Variants in DIAPH3 observed in about 807,000 individuals in gnomAD.
DIAPH3 encodes protein diaphanous homolog 3.
A neutral mutation model predicts 144.3 loss-of-function variants in DIAPH3; 117 were observed. That is an observed-to-expected ratio of 0.81 (90% CI 0.70 to 0.95). The LOEUF (loss-of-function observed/expected upper bound fraction) is 0.95. Among genes scored for constraint, DIAPH3 ranks in the 40% least tolerant of loss-of-function variants. DIAPH3 has a pLI of 0.00. For synonymous variants in DIAPH3, 519 were observed against 488.9 expected, an observed-to-expected ratio of 1.06 and a Z score of -0.81; for missense variants, 1,421 against 1,412.7, an observed-to-expected ratio of 1.01 and a Z score of -0.09.
At chr13:60,075,338 C>T (rs1039586961) in intron 4 of DIAPH3, among the ~76,000 whole-genome samples, 7 of 152,112 alleles carry the variant, frequency 4.6e-5, no homozygotes, top group Non-Finnish European at 8.8e-5. Flanking sequence ...ACATAGCAAA[C>T]GTTTTCTTCC....
At chr13:60,054,359 A>T (rs141835301) in intron 4 of DIAPH3, among the ~76,000 whole-genome samples, 159 of 152,160 alleles carry the variant, frequency 1.0e-3, no homozygotes, top group African/African-American at 3.6e-3. Context: ...TAAGCAAGTA[A>T]ATTACAGAAA....
At chr13:59,685,461 G>T (rs979264179) in intron 27 of DIAPH3, among the ~76,000 whole-genome samples, 8 of 152,090 alleles carry the variant, frequency 5.3e-5, no homozygotes, top group African/African-American at 1.9e-4. Flanking sequence ...AAAGAAGCAG[G>T]TATGTGGACA....
chr13:59,966,627 C>T (rs965102740), intron 17 of DIAPH3, among the ~76,000 whole-genome samples: 5 of 151,982 alleles, frequency 3.3e-5, no homozygotes, highest in Non-Finnish European at 7.4e-5. Context: ...AAGAAAAAAG[C>T]CCCACTTACT....
At chr13:60,108,079 A>G (rs2058468278) in intron 3 of DIAPH3, among the ~76,000 whole-genome samples, 1 of 152,220 alleles carries the variant, frequency 6.6e-6, no homozygotes, top group South Asian at 2.1e-4. Flanking sequence ...AGTATCCTAG[A>G]AATCTTAAGT....
At chr13:59,898,911 C>T (rs2046282749) in intron 20 of DIAPH3, among the ~76,000 whole-genome samples, 1 of 152,116 alleles carries the variant, frequency 6.6e-6, no homozygotes, top group Admixed American at 6.5e-5. Context: ...GCAGACCCAC[C>T]TTCAATCTGG....
Position 60,008,536 on chromosome 13 carries a change from A to C in DIAPH3, c.1014+8T>G, listed in dbSNP as rs755487048. The C allele has an allele frequency of 3.1e-6, 5 of 1,599,490 alleles. No homozygotes were observed. Among genetic ancestry groups the C allele is most frequent in the Non-Finnish European group, 4.3e-6 (5 of 1,167,776 alleles). ...TAAAAACAGATTTTATATACACACA[A>C]AACTTACTTGCAGTTGAACTGAATT... On this transcript the variant is annotated splice_region_variant and intron_variant, in intron 9 of 27. Coordinates refer to ENST00000400324, the MANE Select transcript of DIAPH3 (RefSeq NM_001042517.2).
chr13:59,812,876 C>T (rs1284584321), intron 24 of DIAPH3, among the ~76,000 whole-genome samples: 1 of 152,100 alleles, frequency 6.6e-6, no homozygotes, highest in Admixed American at 6.6e-5. Context: ...ATACAAGAAC[C>T]AACCAAGCAC....
chr13:59,869,836 G>A (rs1455416268), intron 21 of DIAPH3, among the ~76,000 whole-genome samples: 1 of 151,942 alleles, frequency 6.6e-6, no homozygotes, highest in East Asian at 1.9e-4. Flanking sequence ...TCTTTAAACT[G>A]GGTTGTTTAT....
chr13:60,008,282 G>A (rs1377084043), intron 9 of DIAPH3, among the ~76,000 whole-genome samples: 1 of 152,124 alleles, frequency 6.6e-6, no homozygotes, highest in Admixed American at 6.6e-5. Context: ...TGTAGTCCCA[G>A]CTACTCGGGA....
At position 59,729,090 on chromosome 13, in the gene DIAPH3, C is replaced by G. The variant is rs182802681; in HGVS notation, c.3319+45099G>C. 3.1e-3 allele frequency among the ~76,000 whole-genome samples: 477 copies of G among 152,264 alleles called. 3 individuals carry two copies. Among genetic ancestry groups the G allele is most frequent in the African/African-American group, 0.01 (420 of 41,552 alleles). On this transcript the variant is annotated intron_variant, in intron 27 of 27. Coordinates refer to ENST00000400324, the MANE Select transcript of DIAPH3 (RefSeq NM_001042517.2). ...ACACTGGAACTGCCTGTGACCAAGA[C>G]ATTCATGTGGCAAAGAAGAGAGGCA...
At chr13:59,677,636 T>A (rs9538496) in intron 27 of DIAPH3, among the ~76,000 whole-genome samples, 28,424 of 152,118 alleles carry the variant, frequency 0.19, 3,249 homozygotes, top group Non-Finnish European at 0.26. Context: ...CTGGCTATTG[T>A]CTACTGTACT....
At chr13:60,084,935 T>C (rs1028331641) in intron 4 of DIAPH3, among the ~76,000 whole-genome samples, 11 of 152,050 alleles carry the variant, frequency 7.2e-5, no homozygotes, top group Non-Finnish European at 4.4e-5. Flanking sequence ...ATCAAGGTGA[T>C]TGATTAGCCT....
intron 20 of DIAPH3, among the ~76,000 whole-genome samples, chr13:59,882,370 A>T (rs1323753759): frequency 6.6e-6 from 1 of 152,172 alleles, no homozygotes; most frequent in African/African-American, 2.4e-5. Context: ...GATTACAAGC[A>T]TGAGCCACTG....
chr13:60,083,950 T>C (rs1336105631), intron 4 of DIAPH3, among the ~76,000 whole-genome samples: 1 of 130,066 alleles, frequency 7.7e-6, no homozygotes, highest in Non-Finnish European at 1.8e-5. Flanking sequence ...GATGGATGGA[T>C]GGATGGATGA....
intron 17 of DIAPH3, among the ~76,000 whole-genome samples, chr13:59,944,800 G>T (rs1437883927): frequency 6.7e-6 from 1 of 149,814 alleles, no homozygotes; most frequent in East Asian, 1.9e-4. Flanking sequence ...AAAAAGGGGG[G>T]GGGCTATTAT....
chr13:59,782,215 T>C (rs1171117179), intron 25 of DIAPH3, among the ~76,000 whole-genome samples: 3 of 152,118 alleles, frequency 2.0e-5, no homozygotes, highest in Non-Finnish European at 2.9e-5. Context: ...TTATAAACAC[T>C]GGCCATTCTG....
chr13:59,952,033 A>G lies in DIAPH3; in HGVS notation c.2074+17911T>C, dbSNP rs370562302. Among the ~76,000 whole-genome samples the G allele has an allele frequency of 3.0e-4, 45 of 152,348 alleles. 1 individual carries two copies. The East Asian group carries it at 6.6e-3, about 22-fold the overall frequency. Reference sequence around the variant, plus strand: ...TAAATATCCACCAGTGAATGAATGGATAAATCATGGTATAAAACTACAATG... The same window carrying G: ...TAAATATCCACCAGTGAATGAATGGGTAAATCATGGTATAAAACTACAATG... On this transcript the variant is annotated intron_variant, in intron 17 of 27. Transcript: ENST00000400324.
At chr13:59,722,992 A>T (rs1368714776) in intron 27 of DIAPH3, among the ~76,000 whole-genome samples, 1 of 152,202 alleles carries the variant, frequency 6.6e-6, no homozygotes, top group African/African-American at 2.4e-5. Context: ...ATGCCAGCAC[A>T]TACATACCCC....
At chr13:60,059,372 C>CATT (rs1471404964) in intron 4 of DIAPH3, among the ~76,000 whole-genome samples, 1 of 151,822 alleles carries the variant, frequency 6.6e-6, no homozygotes, top group Non-Finnish European at 1.5e-5. Context: ...ACTGTATGAA[C>CATT]GTAATCTTAA....
Sources: allele counts gnomAD v4.1 joint callset (sites outside exome capture counted in the v4.1 genomes callset), GRCh38; gene constraint gnomAD v4.1.1; transcripts MANE v1.5; gene names NCBI Gene and HGNC (gene_info 2026-07-23, HGNC 2026-07-21).